Variants in INSC observed in about 807,000 individuals in gnomAD.
INSC encodes INSC spindle orientation adaptor protein, also known as protein inscuteable homolog.
Under a neutral mutation model 58.6 loss-of-function variants are expected in INSC, and 67 were observed. That is an observed-to-expected ratio of 1.14 (90% CI 0.94 to 1.40). The LOEUF (loss-of-function observed/expected upper bound fraction) is 1.40, where lower values mean the gene tolerates loss of function less well. Among genes scored for constraint, INSC ranks in the 40% most tolerant of loss-of-function variants. The pLI, the probability that INSC is intolerant of heterozygous loss-of-function variation, is 0.00. For missense variants in INSC, 714 were observed against 692.0 expected (o/e 1.03, Z -0.36); for synonymous variants, 262 against 276.1 (o/e 0.95, Z 0.51).
chr11:15,228,009 C>G (rs1851707866), intron 9 of INSC, among the ~76,000 whole-genome samples: 1 of 152,086 alleles, frequency 6.6e-6, no homozygotes, highest in Admixed American at 6.6e-5. Flanking sequence ...GTCTCACTTT[C>G]TTAATTTGTA....
chr11:15,119,297 A>AC, intron 1 of INSC, among the ~76,000 whole-genome samples: 1 of 151,824 alleles, frequency 6.6e-6, no homozygotes, highest in South Asian at 2.1e-4. Flanking sequence ...CTGTCTTTCA[A>AC]CCCCCCACCA....
downstream of INSC, among the ~76,000 whole-genome samples, chr11:15,249,256 T>G (rs773663396): frequency 7.4e-4 from 112 of 152,284 alleles, no homozygotes; most frequent in Admixed American, 3.6e-3. Flanking sequence ...CTGAGAATAA[T>G]AGGCACAGGT....
At chr11:15,214,014 C>T (rs1157620579) in intron 7 of INSC, among the ~76,000 whole-genome samples, 1 of 152,298 alleles carries the variant, frequency 6.6e-6, no homozygotes, top group Admixed American at 6.5e-5. Context: ...TCATCCTGAA[C>T]CTTGTCCCTA....
chr11:15,261,485 A>G, the INSC span, among the ~76,000 whole-genome samples: 1 of 152,186 alleles, frequency 6.6e-6, no homozygotes. Context: ...TGCTTCAGGC[A>G]TTTTAAATTA....
rs1848563716 is a variant in INSC, at chr11:15,148,997, T to TC, written c.-45-132dup. On this transcript the variant is annotated intron_variant, in intron 1 of 12. Coordinates refer to ENST00000379556, the MANE Select transcript of INSC (RefSeq NM_001042536.3). ...TGAGGATACTGGAGTGTAAACTGGT[T>TC]CAACAGAAGAAGAGGGCTAAGAAGT... The TC allele has an allele frequency of 2.6e-6, 3 of 1,132,904 alleles. No homozygotes were observed. The East Asian group carries it at 9.1e-5, about 34-fold the overall frequency. 70.2% of individuals were successfully genotyped at this position (1,132,904 alleles called of 1,614,324 possible).
chr11:15,210,484 T>C (rs1463104761), intron 7 of INSC, among the ~76,000 whole-genome samples: 1 of 148,952 alleles, frequency 6.7e-6, no homozygotes, highest in African/African-American at 2.5e-5. Flanking sequence ...AATTCTTAGA[T>C]GGAGCTCTGC....
intron 8 of INSC, among the ~76,000 whole-genome samples, chr11:15,223,576 G>A (rs966639551): frequency 6.6e-6 from 1 of 152,192 alleles, no homozygotes; most frequent in African/African-American, 2.4e-5. Flanking sequence ...AAGGCACTTA[G>A]GTGGTTGTGT....
intron 2 of INSC, among the ~76,000 whole-genome samples, chr11:15,175,146 C>G (rs371968045): frequency 1.2e-4 from 18 of 152,280 alleles, no homozygotes; most frequent in African/African-American, 2.6e-4. Context: ...TCCTTAAGAG[C>G]CTTTAGCATT....
chr11:15,229,958 ATT>A (rs535037536), intron 9 of INSC, among the ~76,000 whole-genome samples: 15,488 of 28,362 alleles, frequency 0.55, 3,452 homozygotes, highest in Non-Finnish European at 0.58. Context: ...TTATATATAT[ATT>A]TATATATATA....
intron 1 of INSC, among the ~76,000 whole-genome samples, chr11:15,135,704 T>G (rs1426373830): frequency 6.6e-6 from 1 of 152,224 alleles, no homozygotes; most frequent in Non-Finnish European, 1.5e-5. Context: ...AGAAAATGTC[T>G]TAGTGTTTTT....
At chr11:15,245,802 C>A in intron 12 of INSC, 110 bp from the exon 13 acceptor site, 1 of 1,413,472 alleles carries the variant, frequency 7.1e-7, no homozygotes. Flanking sequence ...CCCAAATTGT[C>A]TGGTAAATGC....
intron 4 of INSC, 79 bp downstream of exon 4, chr11:15,177,242 G>GTCTGCCCACCCGACCTCT: frequency 1.8e-6 from 2 of 1,104,922 alleles, no homozygotes; most frequent in Non-Finnish European, 2.8e-6. Flanking sequence ...TTCTCCCAGA[G>GTCTGCCCACCCGACCTCT]GGAGAATGGG....
intron 5 of INSC, among the ~76,000 whole-genome samples, chr11:15,185,927 T>C (rs1471443524): frequency 6.6e-6 from 1 of 152,216 alleles, no homozygotes; most frequent in African/African-American, 2.4e-5. Context: ...AAAATGTTTT[T>C]AGGGTGAAAT....
the INSC span, among the ~76,000 whole-genome samples, chr11:15,268,390 T>C: frequency 1.3e-5 from 2 of 152,010 alleles, no homozygotes; most frequent in African/African-American, 4.8e-5. Flanking sequence ...AAAAATCTAA[T>C]TGACATGTTT....
At chr11:15,255,618 T>C in the INSC span, among the ~76,000 whole-genome samples, 1 of 152,222 alleles carries the variant, frequency 6.6e-6, no homozygotes, top group African/African-American at 2.4e-5. Flanking sequence ...ATTTCTACAA[T>C]CTTGTCTTCT....
upstream of INSC, among the ~76,000 whole-genome samples, chr11:15,114,547 T>C (rs534940479): frequency 2.8e-4 from 43 of 152,242 alleles, no homozygotes; most frequent in Middle Eastern, 3.4e-3. Context: ...TCTCCAGATG[T>C]TGGCATGCGG....
chr11:15,154,608 A>G (rs530723975), intron 2 of INSC, among the ~76,000 whole-genome samples: 1 of 152,216 alleles, frequency 6.6e-6, no homozygotes, highest in South Asian at 2.1e-4. Context: ...AGGAGAGCAC[A>G]GTGCAGTGGG....
chr11:15,114,880 G>T (rs1359397612), upstream of INSC: 2 of 946,442 alleles, frequency 2.1e-6, no homozygotes, highest in Admixed American at 1.3e-4. Flanking sequence ...GGGGTGGGGC[G>T]GGGGCCAGGG....
chr11:15,119,703 C>T (rs1459990395), intron 1 of INSC, among the ~76,000 whole-genome samples: 1 of 152,182 alleles, frequency 6.6e-6, no homozygotes, highest in African/African-American at 2.4e-5. Flanking sequence ...TTTAAAGACA[C>T]TGTTGAGGGA....
Sources: allele counts gnomAD v4.1 joint callset (sites outside exome capture counted in the v4.1 genomes callset), GRCh38; gene constraint gnomAD v4.1.1; transcripts MANE v1.5; gene names NCBI Gene and HGNC (gene_info 2026-07-23, HGNC 2026-07-21).